The following EDA variants were observed in gnomAD, a reference collection of about 807,000 sequenced individuals.
EDA encodes the protein ectodysplasin A.
Under a neutral mutation model 23.6 loss-of-function variants are expected in EDA, and 2 were observed. The ratio of observed to expected loss-of-function variants is 0.08; its 90% CI spans 0.03 to 0.27. The LOEUF is 0.27. Ranked by LOEUF, EDA falls within the 10% of genes least tolerant of loss-of-function variation. EDA has a pLI of 1.00. For missense variants in EDA, 229 were observed against 324.2 expected, an observed-to-expected ratio of 0.71 and a Z score of 2.26; for synonymous variants, 131 against 132.0, an observed-to-expected ratio of 0.99 and a Z score of 0.05.
intron 1 of EDA, among the ~76,000 whole-genome samples, chrX:69,684,693 A>G (rs1248097597): frequency 7.1e-5 from 8 of 112,649 alleles, no homozygotes; most frequent in Non-Finnish European, 1.3e-4. Flanking sequence ...CAGTAAATCT[A>G]TGAAAATGAA....
At chrX:69,883,199 G>A (rs1231750094) in intron 1 of EDA, among the ~76,000 whole-genome samples, 3 of 111,856 alleles carry the variant, frequency 2.7e-5, no homozygotes, top group Non-Finnish European at 5.6e-5. Flanking sequence ...AAAGGAACTC[G>A]ATCTTTCTTC....
At chrX:69,877,980 G>C (rs999515551) in intron 1 of EDA, among the ~76,000 whole-genome samples, 4 of 112,112 alleles carry the variant, frequency 3.6e-5, no homozygotes, top group African/African-American at 1.3e-4. Flanking sequence ...TATATGTGTA[G>C]GTCTATTTCT....
chrX:70,003,154 G>C (rs2147478992), intron 2 of EDA, among the ~76,000 whole-genome samples: 1 of 111,929 alleles, frequency 8.9e-6, no homozygotes, highest in East Asian at 2.8e-4. Context: ...GGAGGAGAGA[G>C]AAATGCAGAC....
intron 1 of EDA, among the ~76,000 whole-genome samples, chrX:69,749,172 A>C (rs990368760): frequency 1.3e-5 from 1 of 78,029 alleles, no homozygotes; most frequent in Non-Finnish European, 2.4e-5. Context: ...CCCACCTATG[A>C]GTGAGAATAT....
chrX:69,753,637 A>G (rs2013983234), intron 1 of EDA, among the ~76,000 whole-genome samples: 2 of 110,848 alleles, frequency 1.8e-5, no homozygotes, highest in South Asian at 7.7e-4. Flanking sequence ...ATCCTTGTTA[A>G]CTTTCTGTCT....
At chrX:69,841,824 A>G (rs1397082573) in intron 1 of EDA, among the ~76,000 whole-genome samples, 1 of 112,340 alleles carries the variant, frequency 8.9e-6, no homozygotes, top group African/African-American at 3.2e-5. Flanking sequence ...GGGATCTCCT[A>G]CATAGGAGAA....
intron 1 of EDA, chrX:69,861,090 A>G: frequency 2.4e-6 from 1 of 408,449 alleles, no homozygotes; most frequent in Non-Finnish European, 4.4e-6. Flanking sequence ...ATAGATCCTC[A>G]CCAAGGAAAC....
intron 1 of EDA, among the ~76,000 whole-genome samples, chrX:69,762,401 T>A (rs981815484): frequency 1.8e-5 from 2 of 112,158 alleles, no homozygotes; most frequent in Non-Finnish European, 3.8e-5. Flanking sequence ...TCACTTGTCT[T>A]TCTCTTTTTC....
chrX:69,793,570 G>GTTTGTTTTTGTT (rs2015465194), intron 1 of EDA, among the ~76,000 whole-genome samples: 1 of 58,781 alleles, frequency 1.7e-5, no homozygotes, highest in Non-Finnish European at 2.9e-5. Flanking sequence ...GTTTGTTTTT[G>GTTTGTTTTTGTT]TTTTTTTTTT....
At chrX:69,618,502 TGAA>T (rs1347787517) in intron 1 of EDA, among the ~76,000 whole-genome samples, 1 of 112,223 alleles carries the variant, frequency 8.9e-6, no homozygotes, top group African/African-American at 3.2e-5. Flanking sequence ...CCTAGAGTTA[TGAA>T]GGGCTTATAT....
chrX:70,037,230 G>A lies in EDA; in HGVS notation c.*1621G>A, dbSNP rs1286175805. ...CAGCTGAAATTCACCAAGAACAGCGGGTACTTATTTCTCAGCTGTGCCTTC... is the reference window on the plus strand; with the variant it reads ...CAGCTGAAATTCACCAAGAACAGCGAGTACTTATTTCTCAGCTGTGCCTTC... On this transcript the variant is annotated 3_prime_UTR_variant, in exon 8 of 8. Coordinates refer to ENST00000374552, the MANE Select transcript of EDA (RefSeq NM_001399.5). 8.9e-6 allele frequency: 1 copy of A among 111,987 alleles called. No homozygotes were observed. Among genetic ancestry groups the A allele is most frequent in the Non-Finnish European group, 1.9e-5 (1 of 53,177 alleles). The allele number at this position is 111,987 out of a possible 1,213,427, so 9.2% of individuals were successfully genotyped here. A position where few individuals can be genotyped will look rare whatever the true frequency, so the allele number is the denominator to read the frequency against.
At chrX:69,815,363 G>A (rs1219787304) in intron 1 of EDA, among the ~76,000 whole-genome samples, 1 of 106,755 alleles carries the variant, frequency 9.4e-6, no homozygotes, top group Non-Finnish European at 1.9e-5. Context: ...CCCTGCAGGA[G>A]CTTCAGCCAC....
chrX:69,981,565 T>A (rs1218027909), intron 2 of EDA, among the ~76,000 whole-genome samples: 2 of 111,256 alleles, frequency 1.8e-5, no homozygotes, highest in African/African-American at 6.5e-5. Flanking sequence ...ATTGAAGGCA[T>A]GCAAGAAGCA....
intron 1 of EDA, among the ~76,000 whole-genome samples, chrX:69,814,306 C>T (rs1427862443): frequency 8.9e-6 from 1 of 112,415 alleles, no homozygotes; most frequent in African/African-American, 3.2e-5. Flanking sequence ...TTTGGAACTA[C>T]CTCAGGGACT....
chrX:69,671,249 TG>T (rs1461290862), intron 1 of EDA, among the ~76,000 whole-genome samples: 1 of 111,682 alleles, frequency 9.0e-6, no homozygotes, highest in Non-Finnish European at 1.9e-5. Flanking sequence ...GTTGCAGTGA[TG>T]GTGGCTTCAT....
chrX:69,703,477 G>A (rs1017792023), intron 1 of EDA, among the ~76,000 whole-genome samples: 2 of 112,221 alleles, frequency 1.8e-5, no homozygotes, highest in Non-Finnish European at 3.8e-5. Flanking sequence ...AATCCCGAGA[G>A]CGTGCCAACA....
chrX:69,624,945 A>G (rs181298215), intron 1 of EDA, among the ~76,000 whole-genome samples: 5 of 111,044 alleles, frequency 4.5e-5, no homozygotes, highest in Non-Finnish European at 9.5e-5. Context: ...ATCTTCAAAC[A>G]TATATCATTT....
chrX:69,735,183 C>CAT (rs2013205414), intron 1 of EDA, among the ~76,000 whole-genome samples: 1 of 105,829 alleles, frequency 9.4e-6, no homozygotes, highest in Admixed American at 1.0e-4. Flanking sequence ...TACACACATG[C>CAT]ATACACATAC....
intron 1 of EDA, among the ~76,000 whole-genome samples, chrX:69,855,330 T>G (rs1188137410): frequency 1.8e-5 from 2 of 112,079 alleles, no homozygotes; most frequent in African/African-American, 6.5e-5. Flanking sequence ...TTGTCAGTTT[T>G]TGCTTTTGTT....
Sources: allele counts gnomAD v4.1 joint callset (sites outside exome capture counted in the v4.1 genomes callset), GRCh38; gene constraint gnomAD v4.1.1; transcripts MANE v1.5; gene names NCBI Gene and HGNC (gene_info 2026-07-23, HGNC 2026-07-21).